The following GRIP1 variants were observed in gnomAD, a reference collection of about 807,000 sequenced individuals.
The protein encoded by GRIP1 is glutamate receptor interacting protein 1, also known as glutamate receptor-interacting protein 1.
A neutral mutation model predicts 129.9 loss-of-function variants in GRIP1; 45 were observed. That is an observed-to-expected ratio of 0.35 (90% confidence interval 0.27 to 0.44). The LOEUF (loss-of-function observed/expected upper bound fraction) is 0.44, where lower values mean the gene tolerates loss of function less well. GRIP1 is among the 20% of genes least tolerant of loss of function. The pLI is 1.00. For missense variants in GRIP1, 1,196 were observed against 1,396.8 expected, an observed-to-expected ratio of 0.86 and a Z score of 2.29; for synonymous variants, 530 against 520.8, an observed-to-expected ratio of 1.02 and a Z score of -0.24.
chr12:66,728,463 C>T (rs1185449930), intron 1 of GRIP1, among the ~76,000 whole-genome samples: 1 of 152,116 alleles, frequency 6.6e-6, no homozygotes, highest in Non-Finnish European at 1.5e-5. Flanking sequence ...GCCATCACAC[C>T]CGTATTCAGG....
intron 1 of GRIP1, among the ~76,000 whole-genome samples, chr12:66,932,165 G>A (rs12580600): frequency 0.075 from 10,995 of 145,792 alleles, 577 homozygotes; most frequent in East Asian, 0.31. Flanking sequence ...AAGGCTCCTG[G>A]CCACAAATTT....
intron 1 of GRIP1, among the ~76,000 whole-genome samples, chr12:67,029,578 CAAAAAAAAAAA>C (rs10563216): frequency 5.7e-5 from 5 of 88,486 alleles, no homozygotes; most frequent in Non-Finnish European, 1.2e-4. Flanking sequence ...GACCCTGACT[CAAAAAAAAAAA>C]AAAAAAAAAG....
intron 2 of GRIP1, among the ~76,000 whole-genome samples, chr12:66,576,817 C>T (rs1002229480): frequency 6.6e-6 from 1 of 152,206 alleles, no homozygotes; most frequent in Non-Finnish European, 1.5e-5. Flanking sequence ...CAGCATTACA[C>T]AGAGTACTAC....
intron 1 of GRIP1, among the ~76,000 whole-genome samples, chr12:66,737,484 A>G (rs1216714429): frequency 2.0e-5 from 3 of 152,162 alleles, no homozygotes; most frequent in South Asian, 2.1e-4. Flanking sequence ...GAGCTTCACC[A>G]TGTTGGTCAG....
intron 1 of GRIP1, among the ~76,000 whole-genome samples, chr12:66,602,603 G>A (rs2064323182): frequency 6.6e-6 from 1 of 152,064 alleles, no homozygotes; most frequent in Non-Finnish European, 1.5e-5. Flanking sequence ...ATACAGCTAA[G>A]TTTACACCAG....
intron 1 of GRIP1, among the ~76,000 whole-genome samples, chr12:67,006,678 C>T (rs890482299): frequency 1.9e-4 from 29 of 152,314 alleles, no homozygotes; most frequent in African/African-American, 6.7e-4. Flanking sequence ...CTGGCTGGCA[C>T]AAACCTAAGG....
At chr12:66,433,215 G>A (rs1437442354) in intron 13 of GRIP1, among the ~76,000 whole-genome samples, 2 of 152,056 alleles carry the variant, frequency 1.3e-5, no homozygotes, top group African/African-American at 2.4e-5. Flanking sequence ...TTTGTAATGT[G>A]AAAAGTACAA....
chr12:66,916,482 TC>T (rs1319813737), intron 1 of GRIP1, among the ~76,000 whole-genome samples: 3 of 152,194 alleles, frequency 2.0e-5, no homozygotes, highest in African/African-American at 7.2e-5. Context: ...CACTTCGCCT[TC>T]CAGCAACCCC....
At chr12:66,431,511 T>C (rs1156878181) in intron 14 of GRIP1, among the ~76,000 whole-genome samples, 1 of 152,222 alleles carries the variant, frequency 6.6e-6, no homozygotes, top group African/African-American at 2.4e-5. Context: ...GTATCGTCCA[T>C]GTTGAATCAG....
chr12:66,705,501 A>G (rs1565978054), intron 1 of GRIP1, among the ~76,000 whole-genome samples: 1 of 152,186 alleles, frequency 6.6e-6, no homozygotes, highest in Non-Finnish European at 1.5e-5. Context: ...CATAGATTCA[A>G]TGCTATTCCC....
intron 7 of GRIP1, among the ~76,000 whole-genome samples, chr12:66,496,787 G>C (rs570562602): frequency 1.3e-5 from 2 of 152,170 alleles, no homozygotes; most frequent in Non-Finnish European, 2.9e-5. Flanking sequence ...TCTGCAGCTG[G>C]AGGAAATGCT....
At chr12:66,985,294 T>G (rs1179811523) in intron 1 of GRIP1, among the ~76,000 whole-genome samples, 2 of 150,948 alleles carry the variant, frequency 1.3e-5, no homozygotes, top group African/African-American at 5.0e-5. Context: ...CAATTTATAT[T>G]GTAAGATGAG....
chr12:66,458,612 C>G (rs948046498), intron 9 of GRIP1, among the ~76,000 whole-genome samples: 1 of 152,022 alleles, frequency 6.6e-6, no homozygotes, highest in Non-Finnish European at 1.5e-5. Context: ...CTCAAACTCC[C>G]GACCTCAGGT....
intron 1 of GRIP1, among the ~76,000 whole-genome samples, chr12:67,048,226 A>C (rs1337894929): frequency 6.6e-6 from 1 of 151,920 alleles, no homozygotes; most frequent in Non-Finnish European, 1.5e-5. Flanking sequence ...ACATACACTC[A>C]GATCACACAC....
At chr12:66,961,362 G>C (rs982399742) in intron 1 of GRIP1, among the ~76,000 whole-genome samples, 2 of 152,122 alleles carry the variant, frequency 1.3e-5, no homozygotes, top group African/African-American at 4.8e-5. Flanking sequence ...GAAAAAAAAG[G>C]ATGAATCACT....
chr12:66,568,793 T>C, intron 2 of GRIP1: 1 of 291,384 alleles, frequency 3.4e-6, no homozygotes, highest in Non-Finnish European at 6.8e-6. Flanking sequence ...GGGCACTGCC[T>C]CTACTATTTG....
chr12:66,891,512 G>A (rs1204472388), intron 1 of GRIP1, among the ~76,000 whole-genome samples: 1 of 152,162 alleles, frequency 6.6e-6, no homozygotes, highest in Non-Finnish European at 1.5e-5. Context: ...CTGATGTGGT[G>A]ATTTTAGAAT....
rs553525914 is a variant in GRIP1, at chr12:66,644,717, T to C, written c.55+34133A>G. Among the ~76,000 whole-genome samples the C allele has an allele frequency of 2.6e-5, 4 of 152,318 alleles. No individual in the cohort carries two copies. In the East Asian group the frequency reaches 5.8e-4, roughly 22 times the overall value. On this transcript the variant is annotated intron_variant, in intron 1 of 24. Coordinates refer to ENST00000359742, the MANE Select transcript of GRIP1 (RefSeq NM_001366722.1). ...TGGCTTTATCTTACGTAGGACTCTG[T>C]CTGACTTGCAAGAATTCTCATTTAC...
intron 1 of GRIP1, among the ~76,000 whole-genome samples, chr12:66,968,357 G>A (rs1004949124): frequency 5.4e-5 from 8 of 149,456 alleles, no homozygotes; most frequent in Admixed American, 2.7e-4. Context: ...GCTTCTTGTA[G>A]ACAATAAGGA....
Sources: gnomAD v4.1 joint callset for allele counts (sites outside exome capture counted in the v4.1 genomes callset) on GRCh38, gnomAD v4.1.1 for gene constraint, MANE v1.5 for transcripts, NCBI Gene and HGNC (gene_info 2026-07-23, HGNC 2026-07-21) for gene names.